BBX: variants seen among roughly 807,000 people sequenced by gnomAD.
BBX encodes BBX high mobility group box domain containing, also known as HMG box transcription factor BBX.
BBX carries 30 observed loss-of-function variants against 100.2 expected under a neutral mutation model. The observed-to-expected ratio is 0.30, with a 90% CI of 0.22 to 0.41. BBX has a LOEUF of 0.41. BBX is among the 10% of genes least tolerant of loss of function. BBX has a pLI of 1.00. For synonymous variants in BBX, 376 were observed against 388.1 expected, an observed-to-expected ratio of 0.97 and a Z score of 0.37; for missense variants, 1,023 against 1,129.8, an observed-to-expected ratio of 0.91 and a Z score of 1.35.
chr3:107,541,293 G>GCAAA (rs2107360950), intron 2 of BBX, among the ~76,000 whole-genome samples: 1 of 152,254 alleles, frequency 6.6e-6, no homozygotes, highest in South Asian at 2.1e-4. Flanking sequence ...AGAGAGCAGT[G>GCAAA]CAAAATTTAT....
chr3:107,652,264 A>C (rs1229555633), intron 3 of BBX, among the ~76,000 whole-genome samples: 1 of 151,258 alleles, frequency 6.6e-6, no homozygotes, highest in Non-Finnish European at 1.5e-5. Context: ...CACTAGAATA[A>C]TTTTAGTTTC....
rs775765273 is a variant in BBX, at chr3:107,778,470, AAAG to A, written c.2162_2164del (p.Lys721del). ...GGAAATGTGTACCTGTCCCAAGAAA[AAAG>A]AAGAAGACTGGAAATGTGTCCTCAG... On this transcript the variant is annotated inframe_deletion, in exon 13 of 18. Transcript: ENST00000325805. 76 of 1,613,390 alleles carry A rather than the reference AAAG, an allele frequency of 4.7e-5. No homozygotes were observed. The highest frequency in any genetic ancestry group is 3.0e-4 in the Admixed American group (18 of 59,918).
intron 7 of BBX, among the ~76,000 whole-genome samples, chr3:107,733,722 C>T (rs1296513618): frequency 2.0e-5 from 3 of 152,136 alleles, no homozygotes; most frequent in Non-Finnish European, 4.4e-5. Context: ...AGCGTCTTAG[C>T]CTCCCAAAGT....
intron 2 of BBX, among the ~76,000 whole-genome samples, chr3:107,564,717 TTTA>T (rs1287120630): frequency 3.9e-5 from 6 of 152,238 alleles, no homozygotes; most frequent in Non-Finnish European, 7.3e-5. Context: ...ATTCTATCAA[TTTA>T]TTATTGTATT....
chr3:107,665,446 C>T (rs376505744), intron 3 of BBX, among the ~76,000 whole-genome samples: 229 of 152,144 alleles, frequency 1.5e-3, no homozygotes, highest in Non-Finnish European at 2.5e-3. Flanking sequence ...AAATGAAAAA[C>T]GCTTTGTCAC....
Position 107,806,051 on chromosome 3 carries a change from G to A in BBX, c.*594G>A, listed in dbSNP as rs2071047889. 1.3e-5 allele frequency: 2 copies of A among 151,174 alleles called. No homozygotes were observed. Among genetic ancestry groups the A allele is most frequent in the South Asian group, 2.1e-4 (1 of 4,804 alleles). 9.4% of individuals were successfully genotyped at this position (151,174 alleles called of 1,614,324 possible). On this transcript the variant is annotated 3_prime_UTR_variant, in exon 18 of 18. Transcript: ENST00000325805. ...AGATGTACCATTGTTAGTGGTGTAT[G>A]CTCGGCCTCGTGGTCCATATATTCT...
chr3:107,657,594 A>G (rs1447920413), intron 3 of BBX, among the ~76,000 whole-genome samples: 1 of 152,180 alleles, frequency 6.6e-6, no homozygotes, highest in Non-Finnish European at 1.5e-5. Flanking sequence ...AGAAAGTCAA[A>G]GATAGGTTTT....
Position 107,805,894 on chromosome 3 carries a change from A to T in BBX, c.*437A>T, listed in dbSNP as rs1303132233. ...GACGCACTGCACTAGTTATTATTAG[A>T]TATTCTTAGTCTTTTTTGTACATGG... On this transcript the variant is annotated 3_prime_UTR_variant, in exon 18 of 18. Transcript: ENST00000325805. The T allele has an allele frequency of 6.1e-6, 1 of 164,336 alleles. No individual in the cohort carries two copies. Among genetic ancestry groups the T allele is most frequent in the Admixed American group, 6.2e-5 (1 of 16,222 alleles). The allele number at this position is 164,336 out of a possible 1,614,324, so 10.2% of individuals were successfully genotyped here.
intron 4 of BBX, among the ~76,000 whole-genome samples, chr3:107,710,991 T>C (rs1391685130): frequency 1.3e-5 from 2 of 152,224 alleles, no homozygotes; most frequent in Non-Finnish European, 2.9e-5. Context: ...CCTGCTACCA[T>C]TGGCAGTCTT....
At chr3:107,530,219 T>G (rs2048063670) in intron 2 of BBX, among the ~76,000 whole-genome samples, 1 of 151,988 alleles carries the variant, frequency 6.6e-6, no homozygotes, top group African/African-American at 2.4e-5. Flanking sequence ...TGGTGAAACC[T>G]TGTCTTTACT....
At chr3:107,787,795 G>C (rs932730922) in intron 13 of BBX, among the ~76,000 whole-genome samples, 8 of 152,170 alleles carry the variant, frequency 5.3e-5, no homozygotes, top group African/African-American at 1.2e-4. Context: ...GAAGTTAGCC[G>C]TGCGGACATC....
intron 8 of BBX, among the ~76,000 whole-genome samples, chr3:107,745,024 G>A (rs972315851): frequency 6.6e-6 from 1 of 152,172 alleles, no homozygotes; most frequent in Non-Finnish European, 1.5e-5. Context: ...ATTTGTTGAT[G>A]TGTTTATTTG....
intron 2 of BBX, among the ~76,000 whole-genome samples, chr3:107,551,667 C>A (rs1320442200): frequency 6.6e-6 from 1 of 152,182 alleles, no homozygotes; most frequent in East Asian, 1.9e-4. Context: ...GGTTTTTACA[C>A]TGATGTGAGT....
At chr3:107,721,913 T>C (rs1423434423) in intron 5 of BBX, among the ~76,000 whole-genome samples, 3 of 151,994 alleles carry the variant, frequency 2.0e-5, no homozygotes, top group Admixed American at 6.6e-5. Flanking sequence ...ATGTTGGTTT[T>C]AGGGTTATTT....
intron 2 of BBX, among the ~76,000 whole-genome samples, chr3:107,527,009 A>G (rs181118479): frequency 1.3e-5 from 2 of 152,328 alleles, no homozygotes; most frequent in African/African-American, 4.8e-5. Flanking sequence ...TAGCCTGTAA[A>G]TTTAATAAAC....
intron 2 of BBX, among the ~76,000 whole-genome samples, chr3:107,609,687 C>T (rs1213653541): frequency 6.6e-6 from 1 of 151,888 alleles, no homozygotes; most frequent in East Asian, 1.9e-4. Context: ...TCACAGTTGC[C>T]TCTAGTGATT....
In BBX at chr3:107,645,821, A is replaced by G. The variant is rs891179331; in HGVS notation, c.-83-15A>G. 1 of 152,560 alleles carries G rather than the reference A, an allele frequency of 6.6e-6. No individual in the cohort carries two copies. The highest frequency in any genetic ancestry group is 1.5e-5 in the Non-Finnish European group (1 of 68,022). The allele number at this position is 152,560 out of a possible 1,614,324, so 9.5% of individuals were successfully genotyped here. ...GGCTCACCATTTTAACTACTTTTCT[A>G]TGGGTCCTTCACAGAATCCTGCTGC... is the stretch of plus-strand genomic sequence containing the variant. On this transcript the variant is annotated splice_polypyrimidine_tract_variant and intron_variant, in intron 2 of 17. Coordinates refer to ENST00000325805, the MANE Select transcript of BBX (RefSeq NM_001142568.3).
intron 6 of BBX, 25 bp downstream of exon 6, chr3:107,728,985 T>C (rs756621384): frequency 6.2e-7 from 1 of 1,606,002 alleles, no homozygotes; most frequent in Non-Finnish European, 8.5e-7. Context: ...TATTTCCACC[T>C]ATTCTTTAAG....
intron 2 of BBX, among the ~76,000 whole-genome samples, chr3:107,549,227 G>T (rs1167826308): frequency 6.6e-6 from 1 of 152,056 alleles, no homozygotes; most frequent in African/African-American, 2.4e-5. Context: ...CAATAAATGG[G>T]GTAGGCTCCA....
Sources: allele counts gnomAD v4.1 joint callset (sites outside exome capture counted in the v4.1 genomes callset), GRCh38; gene constraint gnomAD v4.1.1; transcripts MANE v1.5; gene names NCBI Gene and HGNC (gene_info 2026-07-23, HGNC 2026-07-21).